Variants in CDH18 observed in about 807,000 individuals in gnomAD.
The protein encoded by CDH18 is cadherin-18.
A neutral mutation model predicts 67.9 loss-of-function variants in CDH18; 31 were observed. The observed-to-expected ratio is 0.46, with a 90% CI of 0.34 to 0.62. The LOEUF (loss-of-function observed/expected upper bound fraction) is 0.62. CDH18 is among the 20% of genes least tolerant of loss of function. The probability of loss-of-function intolerance (pLI) is 0.01; values close to 1 mark genes in which losing one functional copy is unlikely to be tolerated. For synonymous variants in CDH18, 362 were observed against 347.2 expected (o/e 1.04, Z -0.48); for missense variants, 890 against 975.5 (o/e 0.91, Z 1.17).
intron 1 of CDH18, chr5:20,255,592 T>C (rs1744171589): frequency 1.3e-5 from 2 of 151,776 alleles, no homozygotes; most frequent in Admixed American, 1.3e-4. Context: ...TGTCATACAT[T>C]AAACAAAGCT....
intron 2 of CDH18, among the ~76,000 whole-genome samples, chr5:20,122,292 G>T (rs888122249): frequency 2.0e-5 from 3 of 152,014 alleles, no homozygotes; most frequent in African/African-American, 7.2e-5. Flanking sequence ...TTAACACATC[G>T]CTTTTCTTTA....
At chr5:20,201,208 C>A (rs150666166) in intron 2 of CDH18, among the ~76,000 whole-genome samples, 1 of 151,832 alleles carries the variant, frequency 6.6e-6, no homozygotes, top group Non-Finnish European at 1.5e-5. Flanking sequence ...CCAATCTCTG[C>A]TTCTGTCCTC....
intron 5 of CDH18, among the ~76,000 whole-genome samples, chr5:19,659,905 G>A (rs1316873702): frequency 2.0e-5 from 3 of 151,984 alleles, no homozygotes; most frequent in Non-Finnish European, 2.9e-5. Flanking sequence ...AATGCACTAC[G>A]ACAAATATGA....
At chr5:19,801,299 ACG>A (rs1487461680) in intron 3 of CDH18, among the ~76,000 whole-genome samples, 2 of 152,198 alleles carry the variant, frequency 1.3e-5, no homozygotes, top group Non-Finnish European at 2.9e-5. Context: ...ATGTTTCATT[ACG>A]TTAATCACTA....
At chr5:20,213,450 G>A (rs1740514052) in intron 2 of CDH18, among the ~76,000 whole-genome samples, 1 of 152,100 alleles carries the variant, frequency 6.6e-6, no homozygotes, top group Admixed American at 6.6e-5. Flanking sequence ...CTTTCAGTAG[G>A]AATGGTACTA....
chr5:20,411,527 C>A (rs1746774278), intron 1 of CDH18, among the ~76,000 whole-genome samples: 1 of 151,980 alleles, frequency 6.6e-6, no homozygotes, highest in Non-Finnish European at 1.5e-5. Context: ...CATGACTTTG[C>A]TGTTGGCAAC....
At chr5:20,558,411 GAGA>G (rs1313746030) in intron 1 of CDH18, among the ~76,000 whole-genome samples, 6 of 152,090 alleles carry the variant, frequency 3.9e-5, no homozygotes, top group Non-Finnish European at 7.4e-5. Flanking sequence ...ACTACCAAGT[GAGA>G]AGAACTTGGC....
Position 19,825,530 on chromosome 5 carries a change from C to T in CDH18, c.228+13229G>A, listed in dbSNP as rs373430100. Among the ~76,000 whole-genome samples the T allele has an allele frequency of 1.1e-3, 162 of 152,258 alleles. 2 individuals carry two copies. The South Asian group carries it at 0.032, about 30-fold the overall frequency. On this transcript the variant is annotated intron_variant, in intron 3 of 12. Transcript: ENST00000382275. ...CTGACACCGCAAGGATACAGCCTGT[C>T]TGCCAACTGTTGCCCCTGTCTGAGG...
At position 19,648,096 on chromosome 5, in the gene CDH18, G is replaced by A. The variant is rs1490654591; in HGVS notation, c.644-35495C>T. 4.0e-5 allele frequency among the ~76,000 whole-genome samples: 6 copies of A among 151,848 alleles called. No individual in the cohort carries two copies. In the East Asian group the frequency reaches 9.7e-4, roughly 24 times the overall value. ...CCATATCGAAGCATATTTCAGCCTT[G>A]GACTTTCAGTTAATGTTTCAGTTAT... On this transcript the variant is annotated intron_variant, in intron 5 of 12. Coordinates refer to ENST00000382275, the MANE Select transcript of CDH18 (RefSeq NM_004934.5).
At chr5:19,562,017 T>C (rs959738507) in intron 8 of CDH18, among the ~76,000 whole-genome samples, 2 of 152,188 alleles carry the variant, frequency 1.3e-5, no homozygotes, top group Non-Finnish European at 2.9e-5. Flanking sequence ...CTGTCTCTAC[T>C]GGATTTGCAT....
At chr5:20,505,103 A>T (rs1754581571) in intron 1 of CDH18, among the ~76,000 whole-genome samples, 1 of 151,766 alleles carries the variant, frequency 6.6e-6, no homozygotes, top group African/African-American at 2.4e-5. Context: ...CTAGTAAAAA[A>T]AAATCACCAA....
chr5:19,820,461 C>T (rs551402647), intron 3 of CDH18, among the ~76,000 whole-genome samples: 2 of 152,264 alleles, frequency 1.3e-5, no homozygotes, highest in African/African-American at 4.8e-5. Context: ...GCACCACTTC[C>T]TTGTCTAGGG....
rs181599768 is a variant in CDH18, at chr5:20,010,865, G to A, written c.-517-18851C>T. Among the ~76,000 whole-genome samples, 660 of 152,130 alleles carry A rather than the reference G, an allele frequency of 4.3e-3. 10 individuals carry two copies. Among genetic ancestry groups the A allele is most frequent in the Middle Eastern group, 0.024 (7 of 294 alleles). ...CTTGTCTTATTCCTAAGACTCTCAC[G>A]TGTATACCTCTAGACAATTGCTTTC... is the stretch of plus-strand genomic sequence containing the variant. On this transcript the variant is annotated intron_variant, in intron 2 of 14. Coordinates refer to the CDH18 transcript ENST00000507958.
In CDH18 at chr5:20,259,083, C is replaced by G. The variant is rs575101798; in HGVS notation, c.-579-3578G>C. ...CAACAAACGCCTAAAAATAGTGTGA[C>G]TGGCTTTGAAACCAGAAAGTCAGTA... On this transcript the variant is annotated intron_variant, in intron 1 of 14. Coordinates refer to the CDH18 transcript ENST00000507958. Among the ~76,000 whole-genome samples, 7 of 152,216 alleles carry G rather than the reference C, an allele frequency of 4.6e-5. No homozygotes were observed. The South Asian group carries it at 1.5e-3, about 32-fold the overall frequency.
chr5:19,822,502 G>A (rs576992178), intron 3 of CDH18, among the ~76,000 whole-genome samples: 1 of 152,236 alleles, frequency 6.6e-6, no homozygotes, highest in African/African-American at 2.4e-5. Flanking sequence ...GAGAAATAAA[G>A]GGACAGAGTA....
chr5:19,929,939 G>A (rs1367307221), intron 2 of CDH18, among the ~76,000 whole-genome samples: 1 of 152,004 alleles, frequency 6.6e-6, no homozygotes, highest in Non-Finnish European at 1.5e-5. Context: ...CGTTGGTTTA[G>A]GCTCCTGTAG....
chr5:19,737,673 G>A lies in CDH18; in HGVS notation c.523+9269C>T, dbSNP rs574755034. Among the ~76,000 whole-genome samples, 4 of 152,218 alleles carry A rather than the reference G, an allele frequency of 2.6e-5. No individual in the cohort carries two copies. The East Asian group carries it at 7.7e-4, about 29-fold the overall frequency. Reference sequence around the variant, plus strand: ...AGAAATCAGGTTCAATTAAAAGTGAGGGGGATTATCACATATCCTGATTGT... The same window carrying A: ...AGAAATCAGGTTCAATTAAAAGTGAAGGGGATTATCACATATCCTGATTGT... On this transcript the variant is annotated intron_variant, in intron 4 of 12. Coordinates refer to ENST00000382275, the MANE Select transcript of CDH18 (RefSeq NM_004934.5).
chr5:20,508,757 T>C (rs1754818747), intron 1 of CDH18, among the ~76,000 whole-genome samples: 1 of 152,026 alleles, frequency 6.6e-6, no homozygotes, highest in African/African-American at 2.4e-5. Context: ...AGTTCCATTG[T>C]TGGTAAAATA....
At chr5:20,202,270 G>A (rs1739511085) in intron 2 of CDH18, among the ~76,000 whole-genome samples, 1 of 152,062 alleles carries the variant, frequency 6.6e-6, no homozygotes, top group African/African-American at 2.4e-5. Context: ...AGATTATTTA[G>A]AATCATTTTG....
Sources: gnomAD v4.1 joint callset for allele counts (sites outside exome capture counted in the v4.1 genomes callset) on GRCh38, gnomAD v4.1.1 for gene constraint, MANE v1.5 for transcripts, NCBI Gene and HGNC (gene_info 2026-07-23, HGNC 2026-07-21) for gene names.